Variants in PRKAR2B observed in about 807,000 individuals in gnomAD.
The protein encoded by PRKAR2B is cAMP-dependent protein kinase type II-beta regulatory subunit.
PRKAR2B carries 14 observed loss-of-function variants against 49.9 expected under a neutral mutation model. The observed-to-expected ratio is 0.28, with a 90% confidence interval of 0.19 to 0.44. The LOEUF (loss-of-function observed/expected upper bound fraction) is 0.44, where lower values mean the gene tolerates loss of function less well. Ranked by LOEUF, PRKAR2B falls within the 20% of genes least tolerant of loss-of-function variation. The pLI, the probability that PRKAR2B is intolerant of heterozygous loss-of-function variation, is 1.00. For missense variants in PRKAR2B, 393 were observed against 537.9 expected (o/e 0.73, Z 2.67); for synonymous variants, 196 against 197.7 (o/e 0.99, Z 0.07).
intron 1 of PRKAR2B, among the ~76,000 whole-genome samples, chr7:107,046,724 A>G (rs1793702790): frequency 6.6e-6 from 1 of 152,186 alleles, no homozygotes; most frequent in East Asian, 1.9e-4. Context: ...GAGATATCTA[A>G]TACTTCTTTT....
At chr7:107,098,278 C>G (rs1200602719) in intron 2 of PRKAR2B, among the ~76,000 whole-genome samples, 2 of 152,286 alleles carry the variant, frequency 1.3e-5, no homozygotes, top group East Asian at 1.9e-4. Flanking sequence ...GTCACTGATA[C>G]CCTTTCTTCC....
intron 1 of PRKAR2B, among the ~76,000 whole-genome samples, chr7:107,063,139 G>GACT (rs1008922286): frequency 6.6e-6 from 1 of 152,074 alleles, no homozygotes; most frequent in African/African-American, 2.4e-5. Context: ...AAGTATCTGG[G>GACT]ACTACAGGTG....
At chr7:107,150,875 A>G in intron 6 of PRKAR2B, 47 bp from the exon 7 acceptor site, 1 of 944,214 alleles carries the variant, frequency 1.1e-6, no homozygotes, top group Non-Finnish European at 1.6e-6. Context: ...AACTATTTGT[A>G]TAGCTTTACC....
chr7:107,122,627 C>CT (rs1437505106), intron 3 of PRKAR2B, among the ~76,000 whole-genome samples: 2 of 152,110 alleles, frequency 1.3e-5, no homozygotes, highest in Non-Finnish European at 2.9e-5. Flanking sequence ...CCCTCCCCCC[C>CT]TTTTTTTGAG....
At chr7:107,084,609 C>T (rs1794579896) in intron 2 of PRKAR2B, among the ~76,000 whole-genome samples, 1 of 151,082 alleles carries the variant, frequency 6.6e-6, no homozygotes, top group African/African-American at 2.4e-5. Context: ...ATTATAATGA[C>T]TACCATCTAT....
At chr7:107,110,018 G>A (rs979759308) in intron 2 of PRKAR2B, among the ~76,000 whole-genome samples, 14 of 152,164 alleles carry the variant, frequency 9.2e-5, no homozygotes, top group African/African-American at 3.4e-4. Flanking sequence ...GAGGAGGGTA[G>A]GAGACAGTCT....
chr7:107,095,604 G>A (rs562318673), intron 2 of PRKAR2B, among the ~76,000 whole-genome samples: 1 of 152,180 alleles, frequency 6.6e-6, no homozygotes, highest in East Asian at 1.9e-4. Flanking sequence ...AATGCTTCCA[G>A]TTTTTGCCCA....
intron 1 of PRKAR2B, among the ~76,000 whole-genome samples, chr7:107,061,294 G>A (rs1794022276): frequency 6.6e-6 from 1 of 151,928 alleles, no homozygotes; most frequent in South Asian, 2.1e-4. Context: ...AGTTTTATTG[G>A]AATTGCTTGA....
chr7:107,143,956 C>A (rs950666958), intron 5 of PRKAR2B, among the ~76,000 whole-genome samples: 1 of 152,032 alleles, frequency 6.6e-6, no homozygotes, highest in Admixed American at 6.5e-5. Flanking sequence ...GGAAACTAAC[C>A]CTGTACTTGA....
chr7:107,061,315 A>T (rs1442518887), intron 1 of PRKAR2B, among the ~76,000 whole-genome samples: 1 of 152,176 alleles, frequency 6.6e-6, no homozygotes, highest in Non-Finnish European at 1.5e-5. Flanking sequence ...ATTTATAAAC[A>T]AAGTTGGAGA....
chr7:107,072,649 G>A (rs1794302024), intron 2 of PRKAR2B, among the ~76,000 whole-genome samples: 1 of 152,050 alleles, frequency 6.6e-6, no homozygotes, highest in South Asian at 2.1e-4. Flanking sequence ...AAATGCTACA[G>A]TTTTTTTGTT....
chr7:107,045,600 T>G (rs1232759920), intron 1 of PRKAR2B, among the ~76,000 whole-genome samples: 1 of 152,218 alleles, frequency 6.6e-6, no homozygotes, highest in Non-Finnish European at 1.5e-5. Context: ...GCTTGGCGTC[T>G]TCTTTCAGCC....
intron 2 of PRKAR2B, among the ~76,000 whole-genome samples, chr7:107,083,531 A>G (rs1405924280): frequency 6.6e-6 from 1 of 152,138 alleles, no homozygotes; most frequent in Non-Finnish European, 1.5e-5. Flanking sequence ...TTTTACAGGT[A>G]TGGAAACTGA....
chr7:107,105,731 G>A (rs534420837), intron 2 of PRKAR2B, among the ~76,000 whole-genome samples: 25 of 152,058 alleles, frequency 1.6e-4, no homozygotes, highest in Admixed American at 3.9e-4. Flanking sequence ...TTTTCCAGTG[G>A]CCCTCTTAGT....
chr7:107,132,371 G>A (rs754797365), intron 4 of PRKAR2B, among the ~76,000 whole-genome samples: 1 of 152,198 alleles, frequency 6.6e-6, no homozygotes, highest in Non-Finnish European at 1.5e-5. Flanking sequence ...AAGAGTTTTA[G>A]TCAGAGAATG....
intron 1 of PRKAR2B, chr7:107,068,704 A>C (rs989556030): frequency 1.3e-5 from 2 of 152,162 alleles, no homozygotes; most frequent in Non-Finnish European, 2.9e-5. Flanking sequence ...TCACAAAGTT[A>C]ATCTTTAATC....
At chr7:107,136,343 T>G (rs1231133722) in intron 4 of PRKAR2B, among the ~76,000 whole-genome samples, 4 of 152,128 alleles carry the variant, frequency 2.6e-5, no homozygotes, top group Admixed American at 6.6e-5. Flanking sequence ...AAATTAAAAA[T>G]TTCTTTGCTG....
intron 3 of PRKAR2B, among the ~76,000 whole-genome samples, chr7:107,127,183 T>C (rs1285365925): frequency 6.6e-6 from 1 of 152,202 alleles, no homozygotes; most frequent in East Asian, 1.9e-4. Context: ...CCTGATTCTG[T>C]GAGCTCTGAT....
At chr7:107,079,742 G>A (rs1199284442) in intron 2 of PRKAR2B, among the ~76,000 whole-genome samples, 1 of 152,112 alleles carries the variant, frequency 6.6e-6, no homozygotes, top group Non-Finnish European at 1.5e-5. Flanking sequence ...GTTTGATGTT[G>A]TAGTTGCTTG....
Sources: allele counts gnomAD v4.1 joint callset (sites outside exome capture counted in the v4.1 genomes callset), GRCh38; gene constraint gnomAD v4.1.1; transcripts MANE v1.5; gene names NCBI Gene and HGNC (gene_info 2026-07-23, HGNC 2026-07-21).